Variants in RPS6KA6 observed in about 807,000 individuals in gnomAD.
RPS6KA6 encodes the protein ribosomal protein S6 kinase A6.
In RPS6KA6, 27 loss-of-function variants were observed where a neutral mutation model predicts 65.4. That is an observed-to-expected ratio of 0.41 (90% CI 0.30 to 0.57). The LOEUF (loss-of-function observed/expected upper bound fraction) is 0.57. Among genes scored for constraint, RPS6KA6 ranks in the 20% least tolerant of loss-of-function variants. RPS6KA6 has a pLI of 0.24. For missense variants in RPS6KA6, 486 were observed against 555.6 expected (o/e 0.87, Z 1.26); for synonymous variants, 190 against 184.2 (o/e 1.03, Z -0.26).
At chrX:84,123,590 G>A (rs1265575008) in intron 8 of RPS6KA6, among the ~76,000 whole-genome samples, 1 of 112,468 alleles carries the variant, frequency 8.9e-6, no homozygotes, top group Admixed American at 9.4e-5. Context: ...GCTATAGGGA[G>A]AGGCCCTTCT....
At chrX:84,143,667 T>C (rs1046719350) in intron 6 of RPS6KA6, among the ~76,000 whole-genome samples, 14 of 111,461 alleles carry the variant, frequency 1.3e-4, no homozygotes, top group Non-Finnish European at 2.3e-4. Flanking sequence ...CAGGACATTT[T>C]TGTACAAAGT....
intron 12 of RPS6KA6, among the ~76,000 whole-genome samples, chrX:84,115,693 T>C (rs1012788114): frequency 8.9e-6 from 1 of 111,764 alleles, no homozygotes; most frequent in Admixed American, 9.5e-5. Context: ...AGCAAAGTCA[T>C]GGAATCAATC....
rs2033288503 is a variant in RPS6KA6, at chrX:84,060,585, CTCTG to C, written c.*3688_*3691del. 1 of 110,507 alleles carries C rather than the reference CTCTG, an allele frequency of 9.0e-6. No homozygotes were observed. The highest frequency in any genetic ancestry group is 3.3e-5 in the African/African-American group (1 of 30,392). The allele number at this position is 110,507 out of a possible 1,213,427, so 9.1% of individuals were successfully genotyped here. ...AACATATACAGAAATAATCGCCAATCTCTGTCTACCTCCACATCATTTTGTCATA... is the reference window on the plus strand; with the variant it reads ...AACATATACAGAAATAATCGCCAATCTCTACCTCCACATCATTTTGTCATA... On this transcript the variant is annotated 3_prime_UTR_variant, in exon 22 of 22. Transcript: ENST00000262752.
intron 20 of RPS6KA6, among the ~76,000 whole-genome samples, chrX:84,071,214 AT>A (rs1276484920): frequency 9.0e-6 from 1 of 111,411 alleles, no homozygotes; most frequent in African/African-American, 3.3e-5. Context: ...ACAAGGCTCT[AT>A]AAAAGGTCTC....
At chrX:84,154,171 T>C (rs896764705) in intron 3 of RPS6KA6, among the ~76,000 whole-genome samples, 1 of 111,076 alleles carries the variant, frequency 9.0e-6, no homozygotes, top group African/African-American at 3.3e-5. Context: ...AAAACTTAAG[T>C]CTAATTTTTG....
upstream of RPS6KA6, among the ~76,000 whole-genome samples, chrX:84,188,406 G>C (rs895096294): frequency 5.4e-5 from 6 of 110,093 alleles, no homozygotes; most frequent in African/African-American, 2.0e-4. Flanking sequence ...CGTGGTGGGT[G>C]GTGGGATAGA....
intron 2 of RPS6KA6, among the ~76,000 whole-genome samples, chrX:84,161,114 A>C (rs1755343903): frequency 9.0e-6 from 1 of 111,321 alleles, no homozygotes; most frequent in Non-Finnish European, 1.9e-5. Context: ...ATAAAAATTG[A>C]AGTTACTGAA....
intron 20 of RPS6KA6, among the ~76,000 whole-genome samples, chrX:84,085,647 G>T (rs773813306): frequency 9.0e-6 from 1 of 111,729 alleles, no homozygotes; most frequent in African/African-American, 3.3e-5. Context: ...ATTTGTTGTT[G>T]TTACATCTCT....
chrX:84,153,114 C>T (rs2035356728), intron 3 of RPS6KA6, among the ~76,000 whole-genome samples: 1 of 111,507 alleles, frequency 9.0e-6, no homozygotes, highest in East Asian at 2.8e-4. Flanking sequence ...GAACCAACTT[C>T]AGGAAATTTT....
chrX:84,156,380 T>G (rs1434518880), intron 2 of RPS6KA6, among the ~76,000 whole-genome samples, 189 bp from the exon 3 acceptor site: 1 of 111,139 alleles, frequency 9.0e-6, no homozygotes, highest in Non-Finnish European at 1.9e-5. Context: ...CACCACCACC[T>G]TCCCTACTAC....
intron 12 of RPS6KA6, among the ~76,000 whole-genome samples, chrX:84,114,326 A>C (rs2034524907): frequency 9.1e-6 from 1 of 109,867 alleles, no homozygotes; most frequent in Admixed American, 9.7e-5. Context: ...CATCTTTACC[A>C]AAAAAATTTA....
At chrX:84,155,030 T>A (rs958960344) in intron 3 of RPS6KA6, among the ~76,000 whole-genome samples, 1 of 109,671 alleles carries the variant, frequency 9.1e-6, no homozygotes, top group Non-Finnish European at 1.9e-5. Context: ...CAAAACCTTG[T>A]GTCCAGAAAT....
At chrX:84,113,370 C>A (rs2034502608) in intron 12 of RPS6KA6, among the ~76,000 whole-genome samples, 1 of 111,594 alleles carries the variant, frequency 9.0e-6, no homozygotes, top group Non-Finnish European at 1.9e-5. Context: ...AAAAAGAAAA[C>A]TGCCAGCCAA....
At chrX:84,155,251 C>A (rs778071433) in intron 3 of RPS6KA6, among the ~76,000 whole-genome samples, 29 of 111,405 alleles carry the variant, frequency 2.6e-4, no homozygotes, top group African/African-American at 8.1e-4. Flanking sequence ...TTCCAGAGCA[C>A]TATAAATAAC....
rs1368726160 is a variant in RPS6KA6, at chrX:84,059,239, C to T, written c.*5038G>A. ...CTCTGCCTCCCAGGTTCAAGTGATT[C>T]TCCTGTCTCAGCCTCCTGAGTAGCT... On this transcript the variant is annotated 3_prime_UTR_variant, in exon 22 of 22. Transcript: ENST00000262752. 2.0e-5 allele frequency: 2 copies of T among 97,908 alleles called. No homozygotes were observed. The highest frequency in any genetic ancestry group is 7.7e-5 in the African/African-American group (2 of 26,128). 8.1% of individuals were successfully genotyped at this position (97,908 alleles called of 1,213,427 possible). A position where few individuals can be genotyped will look rare whatever the true frequency, so the allele number is the denominator to read the frequency against.
At chrX:84,151,213 G>A (rs1459473231) in intron 3 of RPS6KA6, among the ~76,000 whole-genome samples, 1 of 88,817 alleles carries the variant, frequency 1.1e-5, no homozygotes, top group East Asian at 4.6e-4. Flanking sequence ...AGATATATAG[G>A]ATATATATAG....
intron 1 of RPS6KA6, among the ~76,000 whole-genome samples, chrX:84,176,909 T>C (rs1332847242): frequency 6.2e-5 from 7 of 112,161 alleles, no homozygotes; most frequent in Non-Finnish European, 9.4e-5. Context: ...AAATTCTACC[T>C]GATATGTGTG....
At chrX:84,066,887 C>T (rs1261087317) in intron 20 of RPS6KA6, among the ~76,000 whole-genome samples, 3 of 111,611 alleles carry the variant, frequency 2.7e-5, no homozygotes, top group Non-Finnish European at 5.7e-5. Context: ...CAGCTGGCAT[C>T]AGGCTGGTGC....
At chrX:84,065,608 A>G (rs185150677) in intron 20 of RPS6KA6, among the ~76,000 whole-genome samples, 75 of 112,195 alleles carry the variant, frequency 6.7e-4, no homozygotes, top group Middle Eastern at 4.6e-3. Context: ...GGCTTCTATC[A>G]TAGTAGTCCC....
Sources: gnomAD v4.1 joint callset for allele counts (sites outside exome capture counted in the v4.1 genomes callset) on GRCh38, gnomAD v4.1.1 for gene constraint, MANE v1.5 for transcripts, NCBI Gene and HGNC (gene_info 2026-07-23, HGNC 2026-07-21) for gene names.